Variants in RERE observed in about 807,000 individuals in gnomAD.
The protein encoded by RERE is arginine-glutamic acid dipeptide repeats.
A neutral mutation model predicts 146.1 loss-of-function variants in RERE; 40 were observed. The observed-to-expected ratio is 0.27, with a 90% CI of 0.21 to 0.36. The LOEUF is 0.36. RERE is among the 10% of genes least tolerant of loss of function. The pLI is 1.00. For missense variants in RERE, 1,933 were observed against 2,138.7 expected (o/e 0.90, Z 1.90); for synonymous variants, 1,003 against 866.0 (o/e 1.16, Z -2.78).
At chr1:8,508,851 C>T in intron 7 of RERE, among the ~76,000 whole-genome samples, 176 bp from the exon 8 acceptor site, 1 of 152,216 alleles carries the variant, frequency 6.6e-6, no homozygotes, top group South Asian at 2.1e-4. Flanking sequence ...CACACATGCA[C>T]CTCTAAAACC....
chr1:8,758,807 GTAT>G (rs1640697726), intron 1 of RERE, among the ~76,000 whole-genome samples: 1 of 151,156 alleles, frequency 6.6e-6, no homozygotes, highest in South Asian at 2.1e-4. Flanking sequence ...TAATAATAAT[GTAT>G]TATATTACTG....
chr1:8,426,725 C>T (rs991759070), intron 11 of RERE, among the ~76,000 whole-genome samples: 1 of 152,170 alleles, frequency 6.6e-6, no homozygotes, highest in Non-Finnish European at 1.5e-5. Flanking sequence ...CAAGGCCCTC[C>T]AGGATCCTGG....
chr1:8,513,687 G>A (rs574987220), intron 7 of RERE, among the ~76,000 whole-genome samples: 8 of 152,320 alleles, frequency 5.3e-5, no homozygotes, highest in African/African-American at 1.7e-4. Context: ...GCCTGAGGCA[G>A]CAGAATTGCT....
At chr1:8,460,977 G>A (rs949352863) in intron 11 of RERE, among the ~76,000 whole-genome samples, 9 of 152,258 alleles carry the variant, frequency 5.9e-5, no homozygotes, top group African/African-American at 1.9e-4. Flanking sequence ...TGCTAATTAA[G>A]AGCACAGCAT....
At chr1:8,632,585 G>T (rs1465822584) in intron 2 of RERE, among the ~76,000 whole-genome samples, 2 of 152,152 alleles carry the variant, frequency 1.3e-5, no homozygotes, top group Non-Finnish European at 2.9e-5. Context: ...TGATTGTACA[G>T]TAAATGGAAC....
At chr1:8,746,813 G>A (rs1640429995) in intron 1 of RERE, among the ~76,000 whole-genome samples, 1 of 148,282 alleles carries the variant, frequency 6.7e-6, no homozygotes, top group South Asian at 2.2e-4. Flanking sequence ...TGGGGGGGAA[G>A]TGAGAGAGAA....
chr1:8,579,960 C>T (rs374140885), intron 4 of RERE, among the ~76,000 whole-genome samples: 14 of 152,212 alleles, frequency 9.2e-5, no homozygotes, highest in Middle Eastern at 6.8e-3. Context: ...ACTGAGATCG[C>T]GTCTGGGATC....
chr1:8,571,758 T>G (rs1246513356), intron 4 of RERE, among the ~76,000 whole-genome samples: 1 of 152,194 alleles, frequency 6.6e-6, no homozygotes, highest in Non-Finnish European at 1.5e-5. Flanking sequence ...TTGGTGCACA[T>G]GCCAGACAAC....
chr1:8,731,414 C>T (rs1640079323), intron 1 of RERE, among the ~76,000 whole-genome samples: 1 of 152,108 alleles, frequency 6.6e-6, no homozygotes, highest in African/African-American at 2.4e-5. Context: ...GGGGAAAGGA[C>T]AATTACTCAA....
intron 2 of RERE, among the ~76,000 whole-genome samples, chr1:8,647,557 C>T: frequency 6.6e-6 from 1 of 152,062 alleles, no homozygotes; most frequent in East Asian, 1.9e-4. Context: ...TTGCATGTCA[C>T]ATCTATTAAT....
At chr1:8,435,999 T>C (rs1213805406) in intron 11 of RERE, among the ~76,000 whole-genome samples, 2 of 152,210 alleles carry the variant, frequency 1.3e-5, no homozygotes, top group Admixed American at 6.5e-5. Context: ...TTGCCAATTA[T>C]GGCCACACAG....
At chr1:8,442,355 C>T (rs1644260806) in intron 11 of RERE, among the ~76,000 whole-genome samples, 1 of 149,974 alleles carries the variant, frequency 6.7e-6, no homozygotes, top group South Asian at 2.1e-4. Flanking sequence ...CCACTGCAGT[C>T]CAGCCCAAGT....
intron 11 of RERE, among the ~76,000 whole-genome samples, chr1:8,437,498 T>G (rs2784739): frequency 0.19 from 28,138 of 151,914 alleles, 3,145 homozygotes; most frequent in Middle Eastern, 0.36. Flanking sequence ...GCTATCCCCA[T>G]GCAGAATGGC....
chr1:8,684,525 A>C (rs931193611), intron 1 of RERE, among the ~76,000 whole-genome samples: 1 of 152,260 alleles, frequency 6.6e-6, no homozygotes, highest in Admixed American at 6.5e-5. Flanking sequence ...AGACACAGGA[A>C]AAGGGGGCTT....
Position 8,817,596 on chromosome 1 carries a change from A to C in RERE, c.-581T>G, listed in dbSNP as rs533069497. On this transcript the variant is annotated 5_prime_UTR_variant, in exon 1 of 23. Coordinates refer to ENST00000400908, the MANE Select transcript of RERE (RefSeq NM_001042681.2). ...GGGCGAGCGTCTCGGGGTGTGCGGGAGGCTGAGGAGGCTCCGGAGCGCGGA... is the reference window on the plus strand; with the variant it reads ...GGGCGAGCGTCTCGGGGTGTGCGGGCGGCTGAGGAGGCTCCGGAGCGCGGA... The C allele has an allele frequency of 1.4e-5, 2 of 146,834 alleles. No individual in the cohort carries two copies. The highest frequency in any genetic ancestry group is 4.3e-4 in the South Asian group (2 of 4,658). 9.1% of individuals were successfully genotyped at this position (146,834 alleles called of 1,614,324 possible).
intron 6 of RERE, among the ~76,000 whole-genome samples, chr1:8,548,751 G>A (rs915295771): frequency 6.6e-6 from 1 of 152,200 alleles, no homozygotes; most frequent in East Asian, 1.9e-4. Flanking sequence ...TCGGGAGGCT[G>A]AGGCGGGTGG....
At chr1:8,633,523 G>A (rs1014769663) in intron 2 of RERE, among the ~76,000 whole-genome samples, 5 of 152,128 alleles carry the variant, frequency 3.3e-5, no homozygotes, top group Admixed American at 2.0e-4. Context: ...CAACAATCCC[G>A]TGAGTGATTT....
At chr1:8,411,069 A>G (rs768217409) in intron 12 of RERE, among the ~76,000 whole-genome samples, 10 of 152,250 alleles carry the variant, frequency 6.6e-5, no homozygotes, top group Admixed American at 2.0e-4. Flanking sequence ...ATTTGGAGAA[A>G]TAATAACTAG....
chr1:8,582,299 T>G (rs1335562337), intron 4 of RERE, among the ~76,000 whole-genome samples: 1 of 151,604 alleles, frequency 6.6e-6, no homozygotes, highest in African/African-American at 2.4e-5. Flanking sequence ...CTTAAACTCC[T>G]GGGTTCAAGC....
Sources: gnomAD v4.1 joint callset for allele counts (sites outside exome capture counted in the v4.1 genomes callset) on GRCh38, gnomAD v4.1.1 for gene constraint, MANE v1.5 for transcripts, NCBI Gene and HGNC (gene_info 2026-07-23, HGNC 2026-07-21) for gene names.